CPS1: variants seen among roughly 807,000 people sequenced by gnomAD.
CPS1 encodes carbamoyl-phosphate synthase 1.
Under a neutral mutation model 174.6 loss-of-function variants are expected in CPS1, and 109 were observed. That is an observed-to-expected ratio of 0.62 (90% CI 0.53 to 0.73). CPS1 has a LOEUF of 0.73. Among genes scored for constraint, CPS1 ranks in the 30% least tolerant of loss-of-function variants. The probability of loss-of-function intolerance (pLI) is 0.00; values close to 1 mark genes in which losing one functional copy is unlikely to be tolerated. For synonymous variants in CPS1, 637 were observed against 632.0 expected (o/e 1.01, Z -0.12); for missense variants, 1,689 against 1,821.9 (o/e 0.93, Z 1.33).
At chr2:210,593,750 A>G in intron 11 of CPS1, 6 of 723,718 alleles carry the variant, frequency 8.3e-6, no homozygotes, top group Non-Finnish European at 1.0e-5. Context: ...TTGCCGTTTT[A>G]GATATTTATA....
At chr2:210,674,643 T>TA in intron 34 of CPS1, 1 of 512,318 alleles carries the variant, frequency 2.0e-6, no homozygotes, top group East Asian at 3.4e-5. Flanking sequence ...CCAAGTAGAT[T>TA]AAATAGAGAA....
rs924603852 is a variant in CPS1 at position 210,589,997 on chromosome 2, A to G, written c.712-109A>G. 5.5e-6 allele frequency: 8 copies of G among 1,453,716 alleles called. No individual in the cohort carries two copies. In the East Asian group the frequency reaches 9.2e-5, roughly 17 times the overall value. The allele number at this position is 1,453,716 out of a possible 1,614,324, so 90.1% of individuals were successfully genotyped here. ...GCATTATTTATTTTAAATGTTTACA[A>G]ATTTTTCCTTCCCTTTAAGGAATGG... On this transcript the variant is annotated intron_variant, in intron 7 of 37. Transcript: ENST00000233072.
At chr2:210,528,136 A>G (rs543842572) in intron 1 of CPS1, among the ~76,000 whole-genome samples, 1 of 152,000 alleles carries the variant, frequency 6.6e-6, no homozygotes, top group Middle Eastern at 3.4e-3. Flanking sequence ...GTAGTACTCA[A>G]TTGCTTGTTT....
chr2:210,660,212 T>C (rs1258834034), intron 31 of CPS1, among the ~76,000 whole-genome samples: 2 of 151,984 alleles, frequency 1.3e-5, no homozygotes, highest in Non-Finnish European at 2.9e-5. Flanking sequence ...TCAGGAGGGG[T>C]ATGGCATTAT....
At chr2:210,618,898 A>G (rs1699407968) in intron 21 of CPS1, 1 of 152,114 alleles carries the variant, frequency 6.6e-6, no homozygotes, top group South Asian at 2.1e-4. Flanking sequence ...GAGTTTGGAG[A>G]GAGGCTGAGA....
At chr2:210,597,687 GTATGT>G (rs1237136170) in intron 13 of CPS1, among the ~76,000 whole-genome samples, 1 of 151,798 alleles carries the variant, frequency 6.6e-6, no homozygotes, top group Non-Finnish European at 1.5e-5. Flanking sequence ...CCATCTGGCT[GTATGT>G]TATAATAATT....
At chr2:210,674,669 A>G (rs544829732) in intron 34 of CPS1, 69 of 559,440 alleles carry the variant, frequency 1.2e-4, no homozygotes, top group East Asian at 1.2e-3. Flanking sequence ...GGAGATAAGA[A>G]CAAGGTGAAA....
At position 210,576,353 on chromosome 2, in the gene CPS1, G is replaced by C; in HGVS notation, c.244G>C (p.Glu82Gln). 1 of 1,613,608 alleles carries C rather than the reference G, an allele frequency of 6.2e-7. No individual in the cohort carries two copies. Among genetic ancestry groups the C allele is most frequent in the Non-Finnish European group, 8.5e-7 (1 of 1,179,640 alleles). ...VFNTGLGGYP[E>Q]AITDPAYKGQ... ...TTTGGCATGTTTACCCAGGTACCCAGAAGCTATTACTGACCCTGCCTACAA... is the reference window on the plus strand; with the variant it reads ...TTTGGCATGTTTACCCAGGTACCCACAAGCTATTACTGACCCTGCCTACAA... The change falls in exon 3 of 38, where the codon GAA (glutamate) becomes CAA (glutamine). Residue 82 changes from glutamate (E) to glutamine (Q), a missense_variant. Glu to Gln is a conservative substitution (Grantham distance 29). Transcript: ENST00000233072.
intron 5 of CPS1, among the ~76,000 whole-genome samples, chr2:210,580,335 G>T (rs1220723098): frequency 2.0e-5 from 3 of 151,950 alleles, no homozygotes; most frequent in East Asian, 1.9e-4. Context: ...AAAAGGGAAG[G>T]TTATCTTTTG....
chr2:210,482,673 AG>A (rs1574456827), intron 1 of CPS1, among the ~76,000 whole-genome samples: 5 of 108,432 alleles, frequency 4.6e-5, no homozygotes, highest in Non-Finnish European at 8.0e-5. Context: ...AGAGAGAGAG[AG>A]AAAGAGAGAG....
At chr2:210,564,231 A>G (rs1559078666) in intron 1 of CPS1, among the ~76,000 whole-genome samples, 1 of 152,174 alleles carries the variant, frequency 6.6e-6, no homozygotes, top group Non-Finnish European at 1.5e-5. Context: ...CAGACAAACC[A>G]AAACAATTGA....
At chr2:210,548,828 G>T (rs1696636483) in intron 1 of CPS1, among the ~76,000 whole-genome samples, 1 of 152,002 alleles carries the variant, frequency 6.6e-6, no homozygotes, top group African/African-American at 2.4e-5. Flanking sequence ...CCATTCCTGG[G>T]GAATTGCAAT....
At chr2:210,554,765 TAAAAA>T (rs988755048), upstream of CPS1, among the ~76,000 whole-genome samples, 40 of 150,852 alleles carry the variant, frequency 2.7e-4, no homozygotes, top group Non-Finnish European at 3.4e-4. Flanking sequence ...AAAAAAAACT[TAAAAA>T]GAAAAGTTTC....
intron 1 of CPS1, among the ~76,000 whole-genome samples, chr2:210,526,324 A>G (rs528273759): frequency 2.6e-5 from 4 of 151,880 alleles, no homozygotes; most frequent in African/African-American, 9.6e-5. Flanking sequence ...TGGCACATGT[A>G]TACCTATGTA....
At chr2:210,637,273 C>T (rs1395325042) in intron 21 of CPS1, among the ~76,000 whole-genome samples, 2 of 152,068 alleles carry the variant, frequency 1.3e-5, no homozygotes, top group Admixed American at 1.3e-4. Flanking sequence ...AGCGAGAAGC[C>T]ACTTAGTAGA....
intron 28 of CPS1, among the ~76,000 whole-genome samples, chr2:210,651,011 C>T (rs1320421229): frequency 6.6e-6 from 1 of 152,158 alleles, no homozygotes; most frequent in South Asian, 2.1e-4. Flanking sequence ...TCCTCCACTG[C>T]CCCCCAGCCT....
At position 210,595,178 on chromosome 2, in the gene CPS1, C is replaced by T. The variant is rs563067889; in HGVS notation, c.1264-309C>T. ...GGATATATGTGTATTTGAAAAAATA[C>T]CACACATAGATATATTTACATATAT... On this transcript the variant is annotated intron_variant, in intron 12 of 37. Transcript: ENST00000233072. Among the ~76,000 whole-genome samples, 246 of 151,558 alleles carry T rather than the reference C, an allele frequency of 1.6e-3. 1 individual carries two copies. The highest frequency in any genetic ancestry group is 3.5e-3 in the Middle Eastern group (1 of 286).
intron 8 of CPS1, 123 bp downstream of exon 8, chr2:210,590,357 T>C: frequency 7.2e-7 from 1 of 1,379,328 alleles, no homozygotes; most frequent in Non-Finnish European, 1.0e-6. Context: ...ATTTGTGACT[T>C]CTGAGGCAGT....
chr2:210,502,511 TTA>T (rs1056729773), intron 1 of CPS1, among the ~76,000 whole-genome samples: 2 of 148,222 alleles, frequency 1.3e-5, no homozygotes, highest in Admixed American at 6.8e-5. Context: ...GATATATTTT[TTA>T]TATATATATA....
Sources: gnomAD v4.1 joint callset for allele counts (sites outside exome capture counted in the v4.1 genomes callset) on GRCh38, gnomAD v4.1.1 for gene constraint, MANE v1.5 for transcripts, NCBI Gene and HGNC (gene_info 2026-07-23, HGNC 2026-07-21) for gene names.